The following IHO1 variants were observed in gnomAD, a reference collection of about 807,000 sequenced individuals.
The protein encoded by IHO1 is interactor of HORMAD1 1, also known as interactor of HORMAD1 protein 1.
A neutral mutation model predicts 31.0 loss-of-function variants in IHO1; 13 were observed. The observed-to-expected ratio is 0.42, with a 90% CI of 0.27 to 0.67. The LOEUF (loss-of-function observed/expected upper bound fraction) is 0.67, where lower values mean the gene tolerates loss of function less well. IHO1 is among the 30% of genes least tolerant of loss of function. The pLI is 0.24. For missense variants in IHO1, 599 were observed against 687.5 expected, an observed-to-expected ratio of 0.87 and a Z score of 1.44; for synonymous variants, 221 against 248.4, an observed-to-expected ratio of 0.89 and a Z score of 1.04.
chr3:49,235,420 G>T (rs2107717443), intron 2 of IHO1, among the ~76,000 whole-genome samples: 1 of 149,606 alleles, frequency 6.7e-6, no homozygotes, highest in South Asian at 2.1e-4. Flanking sequence ...AGTAGAGATG[G>T]GGTTTCACCA....
rs1231730552 is a variant in IHO1, at chr3:49,233,712, TCTGGCCATAAACAGGCCCCAAAA to T, written c.57-2822_57-2800del. ...GACATGTTGGGAACAGGCCCCCAAATCTGGCCATAAACAGGCCCCAAAACTGGCCATAAACAAAATCTCTGCAG... is the reference window on the plus strand; with the variant it reads ...GACATGTTGGGAACAGGCCCCCAAATCTGGCCATAAACAAAATCTCTGCAG... On this transcript the variant is annotated intron_variant, in intron 2 of 7. Transcript: ENST00000452691. Among the ~76,000 whole-genome samples, 4 of 152,292 alleles carry T rather than the reference TCTGGCCATAAACAGGCCCCAAAA, an allele frequency of 2.6e-5. No individual in the cohort carries two copies. The East Asian group carries it at 7.7e-4, about 29-fold the overall frequency.
intron 2 of IHO1, among the ~76,000 whole-genome samples, chr3:49,224,741 G>A (rs1378799165): frequency 1.3e-5 from 2 of 151,792 alleles, no homozygotes; most frequent in East Asian, 1.9e-4. Context: ...TAGCTAAGGG[G>A]ACTTCTAAGA....
intron 3 of IHO1, 97 bp downstream of exon 3, chr3:49,236,819 C>T: frequency 8.6e-7 from 1 of 1,162,578 alleles, no homozygotes; most frequent in Non-Finnish European, 1.2e-6. Context: ...CAATGGCTGA[C>T]ACCTGTAATC....
chr3:49,230,062 C>T (rs2046463369), intron 2 of IHO1, among the ~76,000 whole-genome samples: 1 of 152,162 alleles, frequency 6.6e-6, no homozygotes, highest in African/African-American at 2.4e-5. Context: ...TGATGGCGGA[C>T]ATTGTTAAGC....
Position 49,237,209 on chromosome 3 carries a change from G to A in IHO1, c.231+487G>A, listed in dbSNP as rs571078182. 7.9e-5 allele frequency among the ~76,000 whole-genome samples: 12 copies of A among 152,178 alleles called. No individual in the cohort carries two copies. The South Asian group carries it at 2.3e-3, about 29-fold the overall frequency. Reference sequence around the variant, plus strand: ...CTAAAAATACAAAAATTAGCCGGGTGTGGTGGCAGGCGCCTGTAATCCCAG... The same window carrying A: ...CTAAAAATACAAAAATTAGCCGGGTATGGTGGCAGGCGCCTGTAATCCCAG... On this transcript the variant is annotated intron_variant, in intron 3 of 7. Transcript: ENST00000452691.
chr3:49,232,827 C>T (rs1240972635), intron 2 of IHO1, among the ~76,000 whole-genome samples: 2 of 152,174 alleles, frequency 1.3e-5, no homozygotes, highest in Non-Finnish European at 2.9e-5. Context: ...TCAACAAGGG[C>T]TGACACAGAG....
chr3:49,244,600 A>T, intron 5 of IHO1, 46 bp from the exon 6 acceptor site: 1 of 1,540,044 alleles, frequency 6.5e-7, no homozygotes, highest in Non-Finnish European at 9.0e-7. Context: ...AGATAGTAGA[A>T]TAAGGCAATA....
chr3:49,231,874 A>G (rs886482168), intron 2 of IHO1, among the ~76,000 whole-genome samples: 1 of 152,282 alleles, frequency 6.6e-6, no homozygotes, highest in African/African-American at 2.4e-5. Flanking sequence ...AGCGATGCCC[A>G]ACTTGCCAAA....
At chr3:49,196,324 CTTTT>C, upstream of IHO1, among the ~76,000 whole-genome samples, 1 of 134,644 alleles carries the variant, frequency 7.4e-6, no homozygotes, top group African/African-American at 2.7e-5. Context: ...AACGTTTTTA[CTTTT>C]TTTTTTTTTT....
intron 1 of IHO1, among the ~76,000 whole-genome samples, chr3:49,208,262 G>A (rs1029300943): frequency 3.3e-5 from 5 of 152,164 alleles, no homozygotes; most frequent in African/African-American, 1.2e-4. Context: ...CCCAGGCCCC[G>A]GACCAGTACC....
At chr3:49,226,369 G>A (rs2046417012) in intron 2 of IHO1, among the ~76,000 whole-genome samples, 1 of 152,184 alleles carries the variant, frequency 6.6e-6, no homozygotes, top group Admixed American at 6.5e-5. Flanking sequence ...TGACCCTCGA[G>A]TGAGTCAGGT....
At chr3:49,255,958 C>A (rs911979462) in intron 7 of IHO1, among the ~76,000 whole-genome samples, 176 bp from the exon 8 acceptor site, 1 of 152,136 alleles carries the variant, frequency 6.6e-6, no homozygotes, top group African/African-American at 2.4e-5. Context: ...GGTTCCTTGA[C>A]ATGATGTGGG....
At chr3:49,229,907 G>A (rs1159828950) in intron 2 of IHO1, among the ~76,000 whole-genome samples, 1 of 152,180 alleles carries the variant, frequency 6.6e-6, no homozygotes, top group Non-Finnish European at 1.5e-5. Context: ...TAATTCCTGA[G>A]CAGTTTTACA....
At chr3:49,245,152 G>A (rs1294331825) in intron 6 of IHO1, 12 of 369,362 alleles carry the variant, frequency 3.2e-5, no homozygotes. Flanking sequence ...CTTGGTTTCA[G>A]TGAGAGCTGT....
intron 1 of IHO1, among the ~76,000 whole-genome samples, chr3:49,202,987 C>T (rs1328447176): frequency 1.3e-5 from 2 of 151,908 alleles, no homozygotes; most frequent in Non-Finnish European, 2.9e-5. Context: ...CTCAGCCTCC[C>T]GAGTAGCTGG....
At chr3:49,218,064 GCTTT>G (rs1352390077) in intron 2 of IHO1, among the ~76,000 whole-genome samples, 3 of 152,132 alleles carry the variant, frequency 2.0e-5, no homozygotes, top group Non-Finnish European at 4.4e-5. Flanking sequence ...TCTCACACTG[GCTTT>G]CTTATTAGCA....
chr3:49,228,434 C>T (rs540094377), intron 2 of IHO1: 54 of 381,946 alleles, frequency 1.4e-4, no homozygotes, highest in Admixed American at 1.2e-3. Context: ...GACAGGTGCC[C>T]GGTATTTAGC....
chr3:49,193,245 G>A, the IHO1 span, among the ~76,000 whole-genome samples: 2 of 151,896 alleles, frequency 1.3e-5, no homozygotes, highest in Non-Finnish European at 2.9e-5. Flanking sequence ...GGTGGCACAC[G>A]CCTGCGGTCC....
chr3:49,254,673 C>A (rs1225478876), intron 6 of IHO1, among the ~76,000 whole-genome samples: 1 of 152,068 alleles, frequency 6.6e-6, no homozygotes, highest in African/African-American at 2.4e-5. Context: ...AGTCCAGAGA[C>A]ATGGAGGAGG....
Sources: gnomAD v4.1 joint callset for allele counts (sites outside exome capture counted in the v4.1 genomes callset) on GRCh38, gnomAD v4.1.1 for gene constraint, MANE v1.5 for transcripts, NCBI Gene and HGNC (gene_info 2026-07-23, HGNC 2026-07-21) for gene names.